The following PKIG variants were observed in gnomAD, a reference collection of about 807,000 sequenced individuals.
PKIG encodes cAMP-dependent protein kinase inhibitor gamma, also known as protein kinase (cAMP-dependent, catalytic) inhibitor gamma.
In PKIG, 1 loss-of-function variant was observed where a neutral mutation model predicts 6.8. The observed-to-expected ratio is 0.15, with a 90% CI of 0.05 to 0.69. The LOEUF is 0.69. Ranked by LOEUF, PKIG falls within the 30% of genes least tolerant of loss-of-function variation. The pLI, the probability that PKIG is intolerant of heterozygous loss-of-function variation, is 0.82. For synonymous variants in PKIG, 39 were observed against 43.0 expected, an observed-to-expected ratio of 0.91 and a Z score of 0.36; for missense variants, 77 against 104.0, an observed-to-expected ratio of 0.74 and a Z score of 1.13.
chr20:44,596,578 A>G (rs2065077079), intron 2 of PKIG, among the ~76,000 whole-genome samples: 1 of 152,214 alleles, frequency 6.6e-6, no homozygotes, highest in Non-Finnish European at 1.5e-5. Context: ...TCCAGGTTCC[A>G]AGGGAGGCTG....
At chr20:44,557,509 G>T (rs1474431066) in intron 1 of PKIG, among the ~76,000 whole-genome samples, 2 of 135,502 alleles carry the variant, frequency 1.5e-5, no homozygotes, top group African/African-American at 5.9e-5. Flanking sequence ...TGGGTGACAG[G>T]TGACAGGTGA....
intron 1 of PKIG, among the ~76,000 whole-genome samples, chr20:44,566,720 C>T (rs1283377636): frequency 6.6e-6 from 1 of 152,168 alleles, no homozygotes; most frequent in Non-Finnish European, 1.5e-5. Context: ...GTGGTGCACA[C>T]TTGTAATCCC....
At chr20:44,575,074 G>C (rs953549841) in intron 1 of PKIG, among the ~76,000 whole-genome samples, 1 of 151,240 alleles carries the variant, frequency 6.6e-6, no homozygotes, top group Admixed American at 6.6e-5. Flanking sequence ...TTGTTTTTGA[G>C]ACAGTCTCGC....
At chr20:44,570,953 G>A (rs911337666) in intron 1 of PKIG, among the ~76,000 whole-genome samples, 19 of 152,138 alleles carry the variant, frequency 1.2e-4, no homozygotes, top group African/African-American at 4.6e-4. Flanking sequence ...CATGCATTAG[G>A]CCAGGCACCG....
At chr20:44,545,303 C>T (rs1022121329) in intron 1 of PKIG, among the ~76,000 whole-genome samples, 1 of 152,066 alleles carries the variant, frequency 6.6e-6, no homozygotes, top group Non-Finnish European at 1.5e-5. Context: ...TAAGAATCAA[C>T]TGGGTTTGTT....
intron 2 of PKIG, among the ~76,000 whole-genome samples, chr20:44,594,610 A>C (rs2065060197): frequency 6.6e-6 from 1 of 152,160 alleles, no homozygotes; most frequent in Admixed American, 6.5e-5. Flanking sequence ...CAATTGGTGG[A>C]GCCCCGATTC....
intron 1 of PKIG, among the ~76,000 whole-genome samples, chr20:44,564,590 A>G (rs2064795136): frequency 6.6e-6 from 1 of 151,706 alleles, no homozygotes; most frequent in Non-Finnish European, 1.5e-5. Context: ...TATTTTTTTT[A>G]GAGATGGGGT....
intron 2 of PKIG, among the ~76,000 whole-genome samples, chr20:44,591,102 G>A (rs1187165562): frequency 6.6e-6 from 1 of 152,206 alleles, no homozygotes; most frequent in East Asian, 1.9e-4. Context: ...GTAGTCTGCG[G>A]TAGGTCCAGA....
chr20:44,541,546 A>ATT (rs2064562053), intron 1 of PKIG, among the ~76,000 whole-genome samples: 2 of 152,206 alleles, frequency 1.3e-5, no homozygotes, highest in Non-Finnish European at 2.9e-5. Context: ...AAAACTTAAC[A>ATT]TTCTGCTGCT....
chr20:44,576,158 A>AGTGTGTGTGTGTGT (rs3221821), intron 1 of PKIG, among the ~76,000 whole-genome samples: 9 of 140,492 alleles, frequency 6.4e-5, no homozygotes, highest in South Asian at 2.3e-4. Flanking sequence ...GACTAAGTAG[A>AGTGTGTGTGTGTGT]GTGTGTGTGT....
chr20:44,566,914 G>T (rs1254081953), intron 1 of PKIG, among the ~76,000 whole-genome samples: 1 of 152,180 alleles, frequency 6.6e-6, no homozygotes, highest in Non-Finnish European at 1.5e-5. Flanking sequence ...CCACAAATCA[G>T]TTGTAACCCA....
chr20:44,550,552 T>C lies in PKIG; in HGVS notation c.-241+18574T>C, dbSNP rs569786964. Reference sequence around the variant, plus strand: ...ATTGAAATCTCGCAAAAATTGCCCTTGTTTGATAAAAGGAATGAGCAGGAG... The same window carrying C: ...ATTGAAATCTCGCAAAAATTGCCCTCGTTTGATAAAAGGAATGAGCAGGAG... On this transcript the variant is annotated intron_variant, in intron 1 of 4. Coordinates refer to the PKIG transcript ENST00000372887. 7.7e-4 allele frequency among the ~76,000 whole-genome samples: 118 copies of C among 152,260 alleles called. 2 individuals carry two copies. The South Asian group carries it at 0.013, about 17-fold the overall frequency.
At chr20:44,557,666 A>C in intron 1 of PKIG, among the ~76,000 whole-genome samples, 1 of 151,438 alleles carries the variant, frequency 6.6e-6, no homozygotes. Context: ...TAAAAAAAAA[A>C]AAAAAAAATT....
intron 1 of PKIG, among the ~76,000 whole-genome samples, chr20:44,548,389 G>C (rs1600842552): frequency 6.6e-6 from 1 of 152,184 alleles, no homozygotes; most frequent in Admixed American, 6.5e-5. Flanking sequence ...AATATTCGTG[G>C]CAGAGTCATT....
intron 1 of PKIG, among the ~76,000 whole-genome samples, chr20:44,571,524 G>A (rs2064854038): frequency 6.6e-6 from 1 of 152,010 alleles, no homozygotes; most frequent in Non-Finnish European, 1.5e-5. Flanking sequence ...TCACTTTACT[G>A]GCCTTTTTCT....
intron 2 of PKIG, among the ~76,000 whole-genome samples, chr20:44,602,840 CAA>C (rs3091836): frequency 3.5e-4 from 27 of 76,816 alleles, no homozygotes; most frequent in East Asian, 3.7e-4. Flanking sequence ...GACTCCATCT[CAA>C]AAAAAAAAAA....
intron 1 of PKIG, among the ~76,000 whole-genome samples, chr20:44,534,285 G>A (rs1455073017): frequency 1.3e-5 from 2 of 152,176 alleles, no homozygotes; most frequent in South Asian, 2.1e-4. Context: ...TCCTTCAATA[G>A]GAGTCTGATG....
intron 1 of PKIG, among the ~76,000 whole-genome samples, chr20:44,571,346 T>TA (rs1005965627): frequency 3.3e-5 from 5 of 150,852 alleles, no homozygotes; most frequent in East Asian, 1.9e-4. Context: ...TTTCCTAATG[T>TA]AAAAAAAAAG....
At chr20:44,602,813 C>A (rs2123433238) in intron 2 of PKIG, among the ~76,000 whole-genome samples, 1 of 149,534 alleles carries the variant, frequency 6.7e-6, no homozygotes, top group African/African-American at 2.5e-5. Context: ...TGCACTCCAA[C>A]CTGGGCGACA....
Sources: gnomAD v4.1 joint callset for allele counts (sites outside exome capture counted in the v4.1 genomes callset) on GRCh38, gnomAD v4.1.1 for gene constraint, MANE v1.5 for transcripts, NCBI Gene and HGNC (gene_info 2026-07-23, HGNC 2026-07-21) for gene names.